PTPRA: variants seen among roughly 807,000 people sequenced by gnomAD.
PTPRA encodes protein tyrosine phosphatase receptor type A.
PTPRA carries 25 observed loss-of-function variants against 104.8 expected under a neutral mutation model. That is an observed-to-expected ratio of 0.24 (90% CI 0.17 to 0.33). The LOEUF is 0.33. PTPRA is among the 10% of genes least tolerant of loss of function. The pLI is 1.00. For synonymous variants in PTPRA, 323 were observed against 368.9 expected, an observed-to-expected ratio of 0.88 and a Z score of 1.43; for missense variants, 765 against 1,015.3, an observed-to-expected ratio of 0.75 and a Z score of 3.35.
In PTPRA at chr20:3,035,166, G is replaced by A. The variant is rs1039980980; in HGVS notation, c.1921-419G>A. On this transcript the variant is annotated intron_variant, in intron 20 of 23. Coordinates refer to ENST00000399903, the MANE Select transcript of PTPRA (RefSeq NM_001385305.1). This position sits in a 1 kb window ranked among gnomAD's most constrained non-coding sequence, Gnocchi z 5.8. ...GGAGAAAGGATACTGTGGCCTGGGC[G>A]GTGGTGAAGCCCATGGCTGTGTGGG... is the stretch of plus-strand genomic sequence containing the variant. Among the ~76,000 whole-genome samples, 5 of 152,206 alleles carry A rather than the reference G, an allele frequency of 3.3e-5. No individual in the cohort carries two copies. Among genetic ancestry groups the A allele is most frequent in the South Asian group, 4.1e-4 (2 of 4,830 alleles).
chr20:2,868,210 C>G, the PTPRA span, among the ~76,000 whole-genome samples: 1 of 152,008 alleles, frequency 6.6e-6, no homozygotes, highest in Non-Finnish European at 1.5e-5. Context: ...CCTTCCTAAC[C>G]TAGATTTGGA....
At chr20:2,884,810 TTG>T (rs1324186852) in intron 1 of PTPRA, among the ~76,000 whole-genome samples, 7 of 110,584 alleles carry the variant, frequency 6.3e-5, no homozygotes, top group African/African-American at 2.7e-4. Flanking sequence ...TTTGTTTTTT[TTG>T]TTTTTTTTTT....
At chr20:2,891,641 A>G (rs982365388) in intron 1 of PTPRA, among the ~76,000 whole-genome samples, 2 of 152,144 alleles carry the variant, frequency 1.3e-5, no homozygotes, top group African/African-American at 4.8e-5. Context: ...TAATTCACAC[A>G]TTGGCATGTG....
At chr20:3,017,336 T>A (rs1368001801) in intron 12 of PTPRA, among the ~76,000 whole-genome samples, 4 of 152,226 alleles carry the variant, frequency 2.6e-5, no homozygotes. Flanking sequence ...CTCTCATTTT[T>A]GTTTAGAATT....
intron 2 of PTPRA, among the ~76,000 whole-genome samples, chr20:2,935,902 A>C (rs2060684095): frequency 6.6e-6 from 1 of 152,134 alleles, no homozygotes; most frequent in Non-Finnish European, 1.5e-5. Context: ...CTATGATCCC[A>C]GCTACTTGGG....
At chr20:2,912,196 G>A (rs974305333) in intron 1 of PTPRA, among the ~76,000 whole-genome samples, 4 of 151,592 alleles carry the variant, frequency 2.6e-5, no homozygotes, top group Non-Finnish European at 4.4e-5. Flanking sequence ...ACAGTGAGCC[G>A]AGATCACACC....
chr20:2,969,498 G>C (rs1274669795), intron 5 of PTPRA, among the ~76,000 whole-genome samples: 2 of 151,516 alleles, frequency 1.3e-5, no homozygotes, highest in Non-Finnish European at 2.9e-5. Context: ...ACCTGCCCCG[G>C]CCTCCCAAAG....
chr20:2,956,256 T>G (rs2061531902), intron 3 of PTPRA, among the ~76,000 whole-genome samples: 1 of 152,214 alleles, frequency 6.6e-6, no homozygotes, highest in African/African-American at 2.4e-5. Context: ...ATTGTTCCAT[T>G]TAACCTTGCT....
Position 3,024,592 on chromosome 20 carries a change from A to G in PTPRA, c.1585A>G (p.Ser529Gly), listed in dbSNP as rs1187998870. The change falls in exon 17 of 24, where the codon AGC becomes GGC. Residue 529 changes from serine (S) to glycine (G), a missense_variant. Physicochemically the swap from Ser to Gly is moderately conservative, Grantham distance 56. This residue lies in a region of PTPRA where 192 missense variants were observed against 227.0 expected (regional missense o/e 0.85). Coordinates refer to ENST00000399903, the MANE Select transcript of PTPRA (RefSeq NM_001385305.1). The stretch of plus-strand genomic sequence containing the variant: ...AATTTACAACAAAATCCCAGGGACC[A>G]GCAACAATGGATTAGAGGAGGAGTT... ...QKIYNKIPGT[S>G]NNGLEEEFKK... The G allele has an allele frequency of 9.3e-6, 15 of 1,614,236 alleles. No individual in the cohort carries two copies. The highest frequency in any genetic ancestry group is 1.6e-4 in the Middle Eastern group (1 of 6,062).
chr20:2,960,550 T>C (rs1474874554), intron 3 of PTPRA, among the ~76,000 whole-genome samples: 2 of 151,936 alleles, frequency 1.3e-5, no homozygotes, highest in East Asian at 3.9e-4. Flanking sequence ...CCCTACCTTT[T>C]TTTTAAAAAA....
At chr20:3,019,261 C>T (rs1181479928) in intron 13 of PTPRA, among the ~76,000 whole-genome samples, 1 of 150,710 alleles carries the variant, frequency 6.6e-6, no homozygotes, top group African/African-American at 2.4e-5. Context: ...GCTGACCCCC[C>T]CACCTCCCTC....
At chr20:2,910,099 CATAT>C (rs1334068514) in intron 1 of PTPRA, among the ~76,000 whole-genome samples, 13 of 117,090 alleles carry the variant, frequency 1.1e-4, no homozygotes, top group African/African-American at 3.7e-4. Context: ...TGATATATAA[CATAT>C]ATATAATATA....
chr20:3,007,379 G>A lies in PTPRA; in HGVS notation c.865G>A (p.Gly289Arg). 1 of 1,614,166 alleles carries A rather than the reference G, an allele frequency of 6.2e-7. No homozygotes were observed. The highest frequency in any genetic ancestry group is 8.5e-7 in the Non-Finnish European group (1 of 1,179,996). ...TAGAGTCCACCTGACACCGGTTGAA[G>A]GGGTTCCAGATTCTGATTACATCAA... ...HSRVHLTPVE[G>R]VPDSDYINAS... is the part of the protein sequence containing the mutation. Residue 289 changes from glycine to arginine, a missense_variant, in exon 11 of 24, where the codon GGG (glycine) becomes AGG (arginine). By Grantham distance (125) the Gly-to-Arg change is moderately radical. This residue lies in a region of PTPRA where 245 missense variants were observed against 398.7 expected (regional missense o/e 0.61). Coordinates refer to ENST00000399903, the MANE Select transcript of PTPRA (RefSeq NM_001385305.1).
At chr20:2,908,605 C>T (rs2059512205) in intron 1 of PTPRA, among the ~76,000 whole-genome samples, 1 of 152,172 alleles carries the variant, frequency 6.6e-6, no homozygotes, top group East Asian at 1.9e-4. Context: ...AAAAGCATGA[C>T]ATTCAGGCTG....
intron 3 of PTPRA, among the ~76,000 whole-genome samples, chr20:2,948,624 C>G (rs114704725): frequency 6.6e-6 from 1 of 152,088 alleles, no homozygotes; most frequent in Non-Finnish European, 1.5e-5. Context: ...CAGCACTTCC[C>G]GCCATTTTCT....
intron 2 of PTPRA, among the ~76,000 whole-genome samples, chr20:2,928,106 C>G (rs1218680646): frequency 6.6e-6 from 1 of 152,066 alleles, no homozygotes; most frequent in Non-Finnish European, 1.5e-5. Flanking sequence ...TTGACTCTTT[C>G]TGGTATCCGT....
intron 1 of PTPRA, among the ~76,000 whole-genome samples, chr20:2,891,960 T>C (rs2058809306): frequency 6.6e-6 from 1 of 152,140 alleles, no homozygotes; most frequent in African/African-American, 2.4e-5. Flanking sequence ...TATTTGTTTA[T>C]TTTTTTGATC....
intron 19 of PTPRA, among the ~76,000 whole-genome samples, 183 bp downstream of exon 19, chr20:3,027,380 G>C (rs1371908769): frequency 6.6e-6 from 1 of 151,748 alleles, no homozygotes; most frequent in Non-Finnish European, 1.5e-5. Flanking sequence ...TAGAGCAGAA[G>C]GTGGGGGAAA....
intron 2 of PTPRA, among the ~76,000 whole-genome samples, chr20:2,928,261 A>G (rs6051483): frequency 0.65 from 99,148 of 151,640 alleles, 33,824 homozygotes; most frequent in East Asian, 0.87. Flanking sequence ...TCAGCCTCCT[A>G]AGTAGCTGGG....
Sources: gnomAD v4.1 joint callset for allele counts (sites outside exome capture counted in the v4.1 genomes callset) on GRCh38, gnomAD v4.1.1 for gene constraint, gnomAD v4.1.1 regional missense constraint, Gnocchi (gnomAD v3.1) non-coding constraint, MANE v1.5 for transcripts, NCBI Gene and HGNC (gene_info 2026-07-23, HGNC 2026-07-21) for gene names.